ABCC1: variants seen among roughly 807,000 people sequenced by gnomAD.
ABCC1 encodes the protein multidrug resistance-associated protein 1.
In ABCC1, 83 loss-of-function variants were observed where a neutral mutation model predicts 172.9. That is an observed-to-expected ratio of 0.48 (90% CI 0.40 to 0.58). The LOEUF is 0.58. Among genes scored for constraint, ABCC1 ranks in the 20% least tolerant of loss-of-function variants. The probability of loss-of-function intolerance (pLI) is 0.00; values close to 1 mark genes in which losing one functional copy is unlikely to be tolerated. For missense variants in ABCC1, 1,817 were observed against 2,002.7 expected, an observed-to-expected ratio of 0.91 and a Z score of 1.77; for synonymous variants, 937 against 825.2, an observed-to-expected ratio of 1.14 and a Z score of -2.32.
intron 21 of ABCC1, among the ~76,000 whole-genome samples, chr16:16,107,172 T>C (rs945435187): frequency 2.6e-5 from 4 of 152,184 alleles, no homozygotes; most frequent in Non-Finnish European, 5.9e-5. Context: ...TCGCTAGAGG[T>C]GAGCTGGATG....
chr16:16,136,833 A>G (rs889665998), intron 29 of ABCC1, among the ~76,000 whole-genome samples, 189 bp downstream of exon 29: 2 of 152,192 alleles, frequency 1.3e-5, no homozygotes, highest in Admixed American at 6.5e-5. Flanking sequence ...TCTTTGTACC[A>G]TGAGGTAGAA....
chr16:16,051,306 G>A (rs896632517), intron 10 of ABCC1, among the ~76,000 whole-genome samples: 1 of 151,894 alleles, frequency 6.6e-6, no homozygotes, highest in Non-Finnish European at 1.5e-5. Flanking sequence ...TCTAGCTGGG[G>A]ACTACAGGTG....
intron 2 of ABCC1, among the ~76,000 whole-genome samples, chr16:16,008,508 A>T (rs922881079): frequency 6.6e-6 from 1 of 150,452 alleles, no homozygotes; most frequent in African/African-American, 2.4e-5. Context: ...CCTGGCCCCT[A>T]ATTTTTTTTT....
In ABCC1 at chr16:15,952,484, G is replaced by C. The variant is rs563859214; in HGVS notation, c.48+2685G>C. Reference sequence around the variant, plus strand: ...CCGCAGGAAATGTCCAGAAAACCCAGAAGATGGAAATGGCCCATGATAAGT... The same window carrying C: ...CCGCAGGAAATGTCCAGAAAACCCACAAGATGGAAATGGCCCATGATAAGT... On this transcript the variant is annotated intron_variant, in intron 1 of 30. Coordinates refer to ENST00000399410, the MANE Select transcript of ABCC1 (RefSeq NM_004996.4). 4.6e-5 allele frequency among the ~76,000 whole-genome samples: 7 copies of C among 152,140 alleles called. No homozygotes were observed. In the East Asian group the frequency reaches 1.4e-3, roughly 29 times the overall value.
intron 5 of ABCC1, among the ~76,000 whole-genome samples, chr16:16,018,369 T>C (rs1408313042): frequency 6.6e-6 from 1 of 151,920 alleles, no homozygotes; most frequent in Non-Finnish European, 1.5e-5. Context: ...GCCAACATGG[T>C]GAAATGCCAT....
chr16:16,053,229 T>C (rs57747178), intron 11 of ABCC1, among the ~76,000 whole-genome samples: 2 of 149,782 alleles, frequency 1.3e-5, no homozygotes, highest in Non-Finnish European at 3.0e-5. Context: ...CCTACTTTTT[T>C]CCCCCTTATT....
At chr16:16,101,321 A>T (rs2152054244) in intron 19 of ABCC1, among the ~76,000 whole-genome samples, 1 of 152,238 alleles carries the variant, frequency 6.6e-6, no homozygotes, top group South Asian at 2.1e-4. Flanking sequence ...GGTGTGAGCC[A>T]CCGTGCCCGG....
At chr16:16,033,212 T>G (rs1274143461) in intron 6 of ABCC1, 42 bp downstream of exon 6, 1 of 1,441,764 alleles carries the variant, frequency 6.9e-7, no homozygotes. Context: ...TGGTGGGGAG[T>G]GAATGAATGA....
intron 18 of ABCC1, among the ~76,000 whole-genome samples, chr16:16,088,056 C>G (rs1028482730): frequency 6.6e-6 from 1 of 152,030 alleles, no homozygotes; most frequent in Admixed American, 6.6e-5. Flanking sequence ...CTAAGTAATA[C>G]ATGCCCATTG....
intron 1 of ABCC1, among the ~76,000 whole-genome samples, chr16:16,002,079 G>A (rs909183427): frequency 6.6e-6 from 1 of 152,164 alleles, no homozygotes; most frequent in African/African-American, 2.4e-5. Flanking sequence ...ATTCAATGCT[G>A]CATTGTTTGT....
chr16:16,013,051 G>A (rs539809632), intron 3 of ABCC1, among the ~76,000 whole-genome samples: 93 of 152,072 alleles, frequency 6.1e-4, no homozygotes, highest in Non-Finnish European at 1.2e-3. Flanking sequence ...ATAGTCTGAG[G>A]GTTGGGGCTT....
At chr16:15,968,115 C>T (rs1166271566) in intron 1 of ABCC1, among the ~76,000 whole-genome samples, 1 of 152,146 alleles carries the variant, frequency 6.6e-6, no homozygotes, top group East Asian at 1.9e-4. Flanking sequence ...GCAACCTCCA[C>T]CTCCCAAGTT....
At chr16:16,040,579 G>A (rs1046622932) in intron 7 of ABCC1, among the ~76,000 whole-genome samples, 3 of 151,544 alleles carry the variant, frequency 2.0e-5, no homozygotes, top group Admixed American at 6.6e-5. Context: ...GAGCCACTGC[G>A]CCTGGCCTTT....
intron 19 of ABCC1, among the ~76,000 whole-genome samples, chr16:16,094,971 C>G (rs1399089827): frequency 6.6e-6 from 1 of 152,018 alleles, no homozygotes; most frequent in African/African-American, 2.4e-5. Flanking sequence ...GCATGTGCCA[C>G]CACGCCCAGC....
At chr16:16,129,253 T>G (rs754934521) in intron 26 of ABCC1, among the ~76,000 whole-genome samples, 1 of 152,338 alleles carries the variant, frequency 6.6e-6, no homozygotes, top group African/African-American at 2.4e-5. Flanking sequence ...ATAGTAACAG[T>G]CACTGCCTCT....
intron 1 of ABCC1, among the ~76,000 whole-genome samples, chr16:15,977,705 T>C (rs1398020133): frequency 6.6e-6 from 1 of 152,110 alleles, no homozygotes; most frequent in Non-Finnish European, 1.5e-5. Flanking sequence ...ATCTTGGCCT[T>C]CCAGAGTGCT....
At chr16:16,119,271 T>C (rs966402276) in intron 23 of ABCC1, among the ~76,000 whole-genome samples, 3 of 152,060 alleles carry the variant, frequency 2.0e-5, no homozygotes, top group Non-Finnish European at 4.4e-5. Flanking sequence ...GAAAACCTGG[T>C]CTCTACAGAA....
intron 1 of ABCC1, among the ~76,000 whole-genome samples, chr16:15,952,402 G>T (rs2048411567): frequency 6.6e-6 from 1 of 152,020 alleles, no homozygotes; most frequent in African/African-American, 2.4e-5. Flanking sequence ...GTCAAGGTCA[G>T]TGGGCCTCGG....
chr16:16,076,950 G>T (rs1386539187), intron 15 of ABCC1, among the ~76,000 whole-genome samples: 1 of 152,170 alleles, frequency 6.6e-6, no homozygotes, highest in Non-Finnish European at 1.5e-5. Flanking sequence ...TGATTGGCCA[G>T]TCTCAGTCAG....
Sources: allele counts gnomAD v4.1 joint callset (sites outside exome capture counted in the v4.1 genomes callset), GRCh38; gene constraint gnomAD v4.1.1; transcripts MANE v1.5; gene names NCBI Gene and HGNC (gene_info 2026-07-23, HGNC 2026-07-21).